TMC2: variants seen among roughly 807,000 people sequenced by gnomAD.
The protein encoded by TMC2 is transmembrane channel-like protein 2.
A neutral mutation model predicts 105.9 loss-of-function variants in TMC2; 102 were observed. That is an observed-to-expected ratio of 0.96 (90% confidence interval 0.82 to 1.14). The LOEUF is 1.14. Ranked by LOEUF, TMC2 falls within the 50% of genes most tolerant of loss-of-function variation. The pLI is 0.00. For missense variants in TMC2, 1,093 were observed against 1,134.3 expected (o/e 0.96, Z 0.52); for synonymous variants, 402 against 422.8 (o/e 0.95, Z 0.60).
chr20:2,573,818 C>T (rs1416930234), intron 5 of TMC2, among the ~76,000 whole-genome samples: 1 of 152,022 alleles, frequency 6.6e-6, no homozygotes, highest in Non-Finnish European at 1.5e-5. Flanking sequence ...CCTCGGCCTC[C>T]CAAAGTGCTG....
chr20:2,564,662 T>C (rs770043123), intron 4 of TMC2, among the ~76,000 whole-genome samples: 2 of 152,178 alleles, frequency 1.3e-5, no homozygotes, highest in Non-Finnish European at 2.9e-5. Context: ...TCAGGGACCG[T>C]GACAATCCCT....
chr20:2,616,989 C>G lies in TMC2; in HGVS notation c.1941-83C>G. The stretch of plus-strand genomic sequence containing the variant: ...GCAGCTCGGCCTCATGCCCCTAACC[C>G]ATCCGTCCCATTTCCTTCTATCACC... On this transcript the variant is annotated intron_variant, in intron 15 of 19. Transcript: ENST00000358864. This position sits in a 1 kb window ranked among gnomAD's most constrained non-coding sequence, Gnocchi z 4.8. 6.5e-7 allele frequency: 1 copy of G among 1,545,920 alleles called. No individual in the cohort carries two copies. Among genetic ancestry groups the G allele is most frequent in the Non-Finnish European group, 8.8e-7 (1 of 1,132,314 alleles).
chr20:2,605,364 G>A (rs1386057949), intron 11 of TMC2, among the ~76,000 whole-genome samples: 1 of 152,152 alleles, frequency 6.6e-6, no homozygotes, highest in Non-Finnish European at 1.5e-5. Flanking sequence ...CCGTTCTGGA[G>A]GCTGGAAGTC....
chr20:2,615,058 C>T (rs1385351356), intron 14 of TMC2, among the ~76,000 whole-genome samples: 1 of 151,870 alleles, frequency 6.6e-6, no homozygotes, highest in Admixed American at 6.6e-5. Flanking sequence ...TGCGGTGGCT[C>T]ACATTGTAGT....
chr20:2,563,518 T>C (rs2086042416), intron 4 of TMC2, among the ~76,000 whole-genome samples: 1 of 152,194 alleles, frequency 6.6e-6, no homozygotes, highest in African/African-American at 2.4e-5. Flanking sequence ...ATTTTTTTGT[T>C]TTAGCTTTTA....
chr20:2,598,581 A>C (rs901979100), intron 10 of TMC2, among the ~76,000 whole-genome samples: 1 of 151,626 alleles, frequency 6.6e-6, no homozygotes, highest in African/African-American at 2.4e-5. Flanking sequence ...TGCCCGGCTA[A>C]TTTTTTTGTA....
At position 2,541,093 on chromosome 20, in the gene TMC2, C is replaced by T. The variant is rs116771994; in HGVS notation, c.82+3777C>T. ...TACCACAATCACCCCCTCCATTTCTCTACCCACTTCTTCTCTTGCAAACTC... is the reference window on the plus strand; with the variant it reads ...TACCACAATCACCCCCTCCATTTCTTTACCCACTTCTTCTCTTGCAAACTC... On this transcript the variant is annotated intron_variant, in intron 2 of 19. Transcript: ENST00000358864. Among the ~76,000 whole-genome samples the T allele has an allele frequency of 8.1e-3, 1,240 of 152,284 alleles. 20 individuals carry two copies. Among genetic ancestry groups the T allele is most frequent in the African/African-American group, 0.028 (1,176 of 41,542 alleles).
intron 16 of TMC2, 129 bp downstream of exon 16, chr20:2,617,440 C>T (rs767286259): frequency 7.6e-5 from 94 of 1,234,228 alleles, no homozygotes; most frequent in Admixed American, 1.4e-4. Flanking sequence ...GGTGAATCAC[C>T]GATGCCATTT....
chr20:2,629,654 C>A (rs1025872986), intron 17 of TMC2, among the ~76,000 whole-genome samples: 4 of 152,060 alleles, frequency 2.6e-5, no homozygotes, highest in African/African-American at 9.7e-5. Flanking sequence ...TAGGCCCATG[C>A]CAAGGGGCAC....
chr20:2,599,543 T>TC, intron 10 of TMC2, among the ~76,000 whole-genome samples: 1 of 144,048 alleles, frequency 6.9e-6, no homozygotes, highest in African/African-American at 2.6e-5. Flanking sequence ...AATTACATTT[T>TC]TTTTTTTTTT....
At chr20:2,628,077 A>C (rs574485638) in intron 17 of TMC2, among the ~76,000 whole-genome samples, 1 of 152,032 alleles carries the variant, frequency 6.6e-6, no homozygotes, top group Admixed American at 6.5e-5. Flanking sequence ...CTGAGGTAGG[A>C]GAATTGCTTG....
At chr20:2,611,608 G>A (rs1275956826) in intron 12 of TMC2, among the ~76,000 whole-genome samples, 1 of 152,144 alleles carries the variant, frequency 6.6e-6, no homozygotes, top group Non-Finnish European at 1.5e-5. Flanking sequence ...TTTTCCCAGA[G>A]AGAATTTCTC....
At chr20:2,625,845 G>C (rs80219859) in intron 17 of TMC2, among the ~76,000 whole-genome samples, 1 of 151,940 alleles carries the variant, frequency 6.6e-6, no homozygotes, top group Non-Finnish European at 1.5e-5. Context: ...TATTCCCTTT[G>C]GACTGTTATT....
intron 2 of TMC2, among the ~76,000 whole-genome samples, chr20:2,543,027 A>G (rs1217866212): frequency 2.0e-5 from 3 of 152,084 alleles, no homozygotes; most frequent in Non-Finnish European, 4.4e-5. Flanking sequence ...ACTTGAGGTC[A>G]GGAGTTTGAG....
Position 2,616,254 on chromosome 20 carries a change from A to C in TMC2, c.1940+50A>C, listed in dbSNP as rs771965868. The stretch of plus-strand genomic sequence containing the variant: ...ATCGCCTCATCCAAGGAGTCAAAAA[A>C]CTGGAATCCCAGACTTTGCAACTTA... On this transcript the variant is annotated intron_variant, in intron 15 of 19. Coordinates refer to ENST00000358864, the MANE Select transcript of TMC2 (RefSeq NM_080751.3). This position sits in a 1 kb window ranked among gnomAD's most constrained non-coding sequence, Gnocchi z 4.8. The C allele has an allele frequency of 6.6e-7, 1 of 1,513,974 alleles. No individual in the cohort carries two copies. Among genetic ancestry groups the C allele is most frequent in the Non-Finnish European group, 9.2e-7 (1 of 1,089,118 alleles). The allele number at this position is 1,513,974 out of a possible 1,614,324, so 93.8% of individuals were successfully genotyped here.
intron 10 of TMC2, among the ~76,000 whole-genome samples, chr20:2,600,318 C>G (rs959810009): frequency 1.3e-5 from 2 of 152,214 alleles, no homozygotes; most frequent in African/African-American, 4.8e-5. Flanking sequence ...ACCAATTACT[C>G]TGTGTCTAGG....
At chr20:2,594,706 C>T (rs2146212998) in intron 8 of TMC2, 119 bp from the exon 9 acceptor site, 2 of 1,093,292 alleles carry the variant, frequency 1.8e-6, no homozygotes, top group Non-Finnish European at 2.6e-6. Context: ...GGAACTCTTC[C>T]TTCGGCCCTT....
intron 5 of TMC2, among the ~76,000 whole-genome samples, chr20:2,577,727 G>A (rs541533578): frequency 4.0e-5 from 6 of 151,694 alleles, no homozygotes; most frequent in Non-Finnish European, 7.4e-5. Context: ...AGCCTGGGCC[G>A]CATGGTGAGA....
intron 2 of TMC2, among the ~76,000 whole-genome samples, chr20:2,547,166 A>G (rs2085930992): frequency 6.6e-6 from 1 of 152,216 alleles, no homozygotes; most frequent in South Asian, 2.1e-4. Flanking sequence ...GGTCCTAAAC[A>G]TCTACATTTT....
Sources: allele counts gnomAD v4.1 joint callset (sites outside exome capture counted in the v4.1 genomes callset), GRCh38; gene constraint gnomAD v4.1.1; non-coding constraint Gnocchi (gnomAD v3.1); transcripts MANE v1.5; gene names NCBI Gene and HGNC (gene_info 2026-07-23, HGNC 2026-07-21).